DISC1: variants seen among roughly 807,000 people sequenced by gnomAD.
DISC1 encodes disrupted in schizophrenia 1 protein.
In DISC1, 57 loss-of-function variants were observed where a neutral mutation model predicts 84.5. The ratio of observed to expected loss-of-function variants is 0.67; its 90% CI spans 0.55 to 0.84. DISC1 has a LOEUF of 0.84. DISC1 is among the 40% of genes least tolerant of loss of function. DISC1 has a pLI of 0.00. For missense variants in DISC1, 1,000 were observed against 1,057.8 expected (o/e 0.95, Z 0.76); for synonymous variants, 411 against 415.2 (o/e 0.99, Z 0.12).
At chr1:231,764,617 T>C (rs2076022088) in intron 4 of DISC1, among the ~76,000 whole-genome samples, 1 of 152,176 alleles carries the variant, frequency 6.6e-6, no homozygotes, top group Non-Finnish European at 1.5e-5. Context: ...CTGCTTAGCA[T>C]TGCTAAGAGG....
At chr1:231,870,982 T>C (rs12066819) in intron 9 of DISC1, among the ~76,000 whole-genome samples, 4,202 of 36,486 alleles carry the variant, frequency 0.12, 202 homozygotes, top group African/African-American at 0.28. Context: ...TTTTGTAATA[T>C]GTACCCGCAT....
chr1:231,998,613 A>G (rs1666267144), intron 10 of DISC1, among the ~76,000 whole-genome samples: 1 of 152,244 alleles, frequency 6.6e-6, no homozygotes, highest in Non-Finnish European at 1.5e-5. Flanking sequence ...AACCAAGAAT[A>G]TTAAATAAAA....
intron 6 of DISC1, among the ~76,000 whole-genome samples, chr1:231,779,005 C>G (rs1479549355): frequency 6.6e-6 from 1 of 152,132 alleles, no homozygotes; most frequent in Non-Finnish European, 1.5e-5. Flanking sequence ...ATCATAAGAA[C>G]TGATGGAACA....
chr1:231,710,459 G>A (rs1330569022), intron 3 of DISC1, among the ~76,000 whole-genome samples: 1 of 152,166 alleles, frequency 6.6e-6, no homozygotes, highest in African/African-American at 2.4e-5. Context: ...ACAATTTTAG[G>A]TCCAAACTAT....
chr1:231,810,516 G>A (rs935480246), intron 8 of DISC1, among the ~76,000 whole-genome samples: 2 of 152,202 alleles, frequency 1.3e-5, no homozygotes, highest in Non-Finnish European at 2.9e-5. Context: ...TACCCAAAGA[G>A]AATAAGCACA....
intron 4 of DISC1, among the ~76,000 whole-genome samples, chr1:231,763,251 G>A (rs1418226478): frequency 3.9e-5 from 6 of 152,166 alleles, no homozygotes; most frequent in Admixed American, 6.5e-5. Context: ...CTGACCCACC[G>A]GGACTCGGTT....
chr1:231,657,958 C>T (rs2061260197), intron 1 of DISC1, among the ~76,000 whole-genome samples: 1 of 151,926 alleles, frequency 6.6e-6, no homozygotes, highest in African/African-American at 2.4e-5. Flanking sequence ...TTGTCTTGGC[C>T]ATTTGGGATT....
At chr1:231,871,311 G>A (rs2085444717) in intron 9 of DISC1, among the ~76,000 whole-genome samples, 1 of 152,224 alleles carries the variant, frequency 6.6e-6, no homozygotes. Context: ...TGGGAAGAGA[G>A]AATAGAAGGT....
Position 231,933,351 on chromosome 1 carries a change from T to G in DISC1, c.1982-25477T>G, listed in dbSNP as rs115561619. On this transcript the variant is annotated intron_variant, in intron 9 of 12. Transcript: ENST00000439617. ...TTCAATTGTAAGAGGAGCTTTGGGT[T>G]TTTGCTTTGAAAGTAGAAACAAGTA... Among the ~76,000 whole-genome samples, 570 of 152,302 alleles carry G rather than the reference T, an allele frequency of 3.7e-3. 8 individuals carry two copies. Among genetic ancestry groups the G allele is most frequent in the African/African-American group, 0.013 (552 of 41,570 alleles).
At chr1:231,794,905 C>A (rs1364772803) in intron 6 of DISC1, among the ~76,000 whole-genome samples, 3 of 152,132 alleles carry the variant, frequency 2.0e-5, no homozygotes, top group East Asian at 1.9e-4. Flanking sequence ...TCAGTGTAGA[C>A]CTTCCTTCTG....
chr1:231,713,160 G>A (rs959725728), intron 3 of DISC1, among the ~76,000 whole-genome samples: 1 of 152,106 alleles, frequency 6.6e-6, no homozygotes, highest in Admixed American at 6.5e-5. Context: ...ATAAAAAACA[G>A]CAAACCCTGG....
At chr1:231,727,285 C>G (rs2070851750) in intron 3 of DISC1, among the ~76,000 whole-genome samples, 1 of 152,062 alleles carries the variant, frequency 6.6e-6, no homozygotes, top group East Asian at 1.9e-4. Flanking sequence ...GATATTTTTG[C>G]TAGTGTATAA....
chr1:231,924,132 A>C (rs753082107), intron 9 of DISC1, among the ~76,000 whole-genome samples: 6 of 152,234 alleles, frequency 3.9e-5, no homozygotes, highest in Non-Finnish European at 8.8e-5. Flanking sequence ...AATACATCTA[A>C]AGTGAAAAAG....
intron 9 of DISC1, among the ~76,000 whole-genome samples, chr1:231,915,646 C>A (rs538669504): frequency 6.6e-6 from 1 of 152,310 alleles, no homozygotes; most frequent in South Asian, 2.1e-4. Flanking sequence ...GGCGTGGTGG[C>A]AGGCACCTGT....
chr1:231,720,728 G>C, intron 3 of DISC1: 3 of 727,094 alleles, frequency 4.1e-6, no homozygotes, highest in Non-Finnish European at 6.1e-6. Context: ...TTTTCCCTTG[G>C]GGCTTTCTGC....
chr1:231,722,045 C>T (rs947832307), intron 3 of DISC1, among the ~76,000 whole-genome samples: 3 of 149,912 alleles, frequency 2.0e-5, no homozygotes, highest in Admixed American at 1.3e-4. Context: ...CCCGGCTACT[C>T]GGGAGGCTGA....
intron 12 of DISC1, among the ~76,000 whole-genome samples, chr1:232,033,114 C>T (rs1483699778): frequency 6.6e-6 from 1 of 152,082 alleles, no homozygotes; most frequent in Non-Finnish European, 1.5e-5. Flanking sequence ...GTCTAAAATC[C>T]AATTCCCTCC....
intron 9 of DISC1, among the ~76,000 whole-genome samples, chr1:231,909,918 T>C (rs2089041389): frequency 6.6e-6 from 1 of 152,232 alleles, no homozygotes; most frequent in Non-Finnish European, 1.5e-5. Flanking sequence ...GATGTATGTG[T>C]CCAGGAATGT....
At chr1:231,838,613 T>G (rs1286322508) in intron 9 of DISC1, among the ~76,000 whole-genome samples, 1 of 152,240 alleles carries the variant, frequency 6.6e-6, no homozygotes, top group Non-Finnish European at 1.5e-5. Context: ...ATTGGGTGAA[T>G]GTCCCTGTCG....
Sources: allele counts gnomAD v4.1 joint callset (sites outside exome capture counted in the v4.1 genomes callset), GRCh38; gene constraint gnomAD v4.1.1; transcripts MANE v1.5; gene names NCBI Gene and HGNC (gene_info 2026-07-23, HGNC 2026-07-21).